PDE4D: variants seen among roughly 807,000 people sequenced by gnomAD.
PDE4D encodes phosphodiesterase 4D, also known as 3',5'-cyclic-AMP phosphodiesterase 4D.
Under a neutral mutation model 87.4 loss-of-function variants are expected in PDE4D, and 24 were observed. The ratio of observed to expected loss-of-function variants is 0.27; its 90% CI spans 0.20 to 0.39. The LOEUF is 0.39. Among genes scored for constraint, PDE4D ranks in the 10% least tolerant of loss-of-function variants. PDE4D has a pLI of 1.00. For synonymous variants in PDE4D, 384 were observed against 383.2 expected, an observed-to-expected ratio of 1.00 and a Z score of -0.02; for missense variants, 714 against 1,041.0, an observed-to-expected ratio of 0.69 and a Z score of 4.32.
intron 2 of PDE4D, among the ~76,000 whole-genome samples, chr5:60,143,278 T>C (rs1241115810): frequency 6.6e-6 from 1 of 152,240 alleles, no homozygotes; most frequent in African/African-American, 2.4e-5. Context: ...AGACAGTTTA[T>C]GTGCAACATG....
chr5:59,702,829 CA>C (rs1752779390), intron 1 of PDE4D, among the ~76,000 whole-genome samples: 1 of 127,126 alleles, frequency 7.9e-6, no homozygotes, highest in South Asian at 2.5e-4. Flanking sequence ...ATGATGGTGC[CA>C]CTGCACTCCA....
intron 1 of PDE4D, among the ~76,000 whole-genome samples, chr5:59,825,087 C>T (rs1770159980): frequency 6.6e-6 from 1 of 152,130 alleles, no homozygotes. Flanking sequence ...CTACTGGTCT[C>T]TGCGTGTCAA....
intron 2 of PDE4D, among the ~76,000 whole-genome samples, chr5:60,069,085 C>T (rs1273767251): frequency 2.0e-5 from 3 of 152,078 alleles, no homozygotes; most frequent in Non-Finnish European, 4.4e-5. Context: ...TTTCCAAGTA[C>T]CATTTGTTGA....
chr5:59,260,937 C>CAAAA (rs3061504), intron 1 of PDE4D, among the ~76,000 whole-genome samples: 25 of 138,482 alleles, frequency 1.8e-4, no homozygotes, highest in African/African-American at 6.4e-4. Context: ...CAATATACAC[C>CAAAA]AAAAAAAAAA....
At chr5:60,228,043 C>T (rs780110652) in intron 1 of PDE4D, among the ~76,000 whole-genome samples, 1 of 151,978 alleles carries the variant, frequency 6.6e-6, no homozygotes, top group Non-Finnish European at 1.5e-5. Context: ...TCTCCCATTG[C>T]CCATCACTTT....
At position 58,969,320 on chromosome 5, in the gene PDE4D, T is replaced by TG. The variant is rs1414806989; in HGVS notation, c.*5343dup. ...GGGTTATGAGAATAAAGCTACAGAA[T>TG]GGGGGATATCTCACACAGGATGGTT... On this transcript the variant is annotated 3_prime_UTR_variant, in exon 15 of 15. Coordinates refer to ENST00000340635, the MANE Select transcript of PDE4D (RefSeq NM_001104631.2). 1 of 152,158 alleles carries TG rather than the reference T, an allele frequency of 6.6e-6. No individual in the cohort carries two copies. Among genetic ancestry groups the TG allele is most frequent in the Admixed American group, 6.5e-5 (1 of 15,270 alleles). 9.4% of individuals were successfully genotyped at this position (152,158 alleles called of 1,614,324 possible). A position where few individuals can be genotyped will look rare whatever the true frequency, so the allele number is the denominator to read the frequency against.
In PDE4D at chr5:60,295,072, G is replaced by T. The variant is rs539599821; in HGVS notation, c.-89-109385C>A. On this transcript the variant is annotated intron_variant, in intron 1 of 16. Coordinates refer to the PDE4D transcript ENST00000502484. The stretch of plus-strand genomic sequence containing the variant: ...TTATAGTTTTCAGTATAAGAATTGT[G>T]CACATATTTCATTAAATTTGCTACT... 1.4e-4 allele frequency among the ~76,000 whole-genome samples: 21 copies of T among 152,106 alleles called. No individual in the cohort carries two copies. In the South Asian group the frequency reaches 4.4e-3, roughly 32 times the overall value.
chr5:60,108,587 T>C (rs1777309635), intron 2 of PDE4D, among the ~76,000 whole-genome samples: 1 of 152,178 alleles, frequency 6.6e-6, no homozygotes, highest in Admixed American at 6.6e-5. Context: ...GCTGGAGGCA[T>C]CACGCTACCT....
At chr5:60,282,238 T>TATATATATATATATG (rs202140336) in intron 1 of PDE4D, among the ~76,000 whole-genome samples, 1 of 140,728 alleles carries the variant, frequency 7.1e-6, no homozygotes, top group Non-Finnish European at 1.5e-5. Context: ...TATATATATA[T>TATATATATATATATG]TTCTCAAAAT....
intron 1 of PDE4D, among the ~76,000 whole-genome samples, chr5:59,670,366 T>C (rs777150525): frequency 7.2e-5 from 11 of 152,188 alleles, no homozygotes; most frequent in Non-Finnish European, 1.3e-4. Flanking sequence ...TGTTCCACAA[T>C]CCAAAACTTT....
chr5:60,163,902 A>T (rs1052056226), intron 2 of PDE4D, among the ~76,000 whole-genome samples: 2 of 152,180 alleles, frequency 1.3e-5, no homozygotes, highest in Non-Finnish European at 2.9e-5. Flanking sequence ...ACTTTCTGGA[A>T]ATCTGTACAC....
At chr5:59,408,249 G>A (rs971315086) in intron 1 of PDE4D, among the ~76,000 whole-genome samples, 4 of 152,160 alleles carry the variant, frequency 2.6e-5, no homozygotes, top group African/African-American at 9.7e-5. Context: ...CAGTCCAGCC[G>A]TGGCTCAAAG....
chr5:59,858,679 A>AAAC (rs1745817218), intron 1 of PDE4D, among the ~76,000 whole-genome samples: 1 of 152,146 alleles, frequency 6.6e-6, no homozygotes, highest in Non-Finnish European at 1.5e-5. Flanking sequence ...TAGATCAACC[A>AAAC]AACACCAGTT....
At chr5:60,152,652 CAAAAA>C (rs35561110) in intron 2 of PDE4D, among the ~76,000 whole-genome samples, 10 of 130,174 alleles carry the variant, frequency 7.7e-5, no homozygotes, top group Non-Finnish European at 1.3e-4. Context: ...GACTCTGTCT[CAAAAA>C]AAAAAAAAAA....
At chr5:59,952,078 C>T (rs940123190) in intron 3 of PDE4D, among the ~76,000 whole-genome samples, 3 of 152,102 alleles carry the variant, frequency 2.0e-5, no homozygotes, top group South Asian at 4.2e-4. Context: ...TTCCCCCATC[C>T]GGCTCTTGTG....
At chr5:60,466,018 T>C (rs1747325409) in intron 1 of PDE4D, among the ~76,000 whole-genome samples, 1 of 152,166 alleles carries the variant, frequency 6.6e-6, no homozygotes, top group Admixed American at 6.6e-5. Context: ...TGAAAAATTC[T>C]AAGTCGAACC....
chr5:59,836,336 C>A (rs141017260), intron 1 of PDE4D, among the ~76,000 whole-genome samples: 156 of 152,018 alleles, frequency 1.0e-3, no homozygotes, highest in Non-Finnish European at 1.8e-3. Flanking sequence ...TTTTCTTCAA[C>A]AAATATGTAT....
chr5:59,753,806 T>C (rs1429886700), intron 1 of PDE4D, among the ~76,000 whole-genome samples: 1 of 152,236 alleles, frequency 6.6e-6, no homozygotes. Flanking sequence ...ACTGTGCATA[T>C]CAGTAAGTGA....
chr5:59,782,520 C>T (rs1218767388), intron 1 of PDE4D, among the ~76,000 whole-genome samples: 1 of 152,184 alleles, frequency 6.6e-6, no homozygotes, highest in Non-Finnish European at 1.5e-5. Flanking sequence ...GGAAGTCTCT[C>T]ATTTTGTCTT....
Sources: allele counts gnomAD v4.1 joint callset (sites outside exome capture counted in the v4.1 genomes callset), GRCh38; gene constraint gnomAD v4.1.1; transcripts MANE v1.5; gene names NCBI Gene and HGNC (gene_info 2026-07-23, HGNC 2026-07-21).